Variants in TUG1 observed in about 807,000 individuals in gnomAD.
TUG1 encodes the protein taurine upregulated gene 1.
chr22:30,975,259 A>G (rs966046469), exon 3 of TUG1: 1 of 152,230 alleles, frequency 6.6e-6, no homozygotes, highest in Admixed American at 6.5e-5. Context: ...GCAGAAGCCC[A>G]GAGTAAAAGT....
exon 3 of TUG1, chr22:30,976,409 CCTACCTTT>C: frequency 6.6e-6 from 1 of 152,256 alleles, no homozygotes; most frequent in South Asian, 2.1e-4. Flanking sequence ...TAGCTTATTG[CCTACCTTT>C]TTGCTGGAAA....
chr22:30,970,601 A>T (rs2041217973), exon 1 of TUG1: 1 of 152,224 alleles, frequency 6.6e-6, no homozygotes, highest in Admixed American at 6.5e-5. Context: ...TGCTGCTTGT[A>T]CTGGTGCCTG....
At chr22:30,971,941 C>G (rs1421573243) in intron 1 of TUG1, 162 bp downstream of exon 1, 1 of 152,246 alleles carries the variant, frequency 6.6e-6, no homozygotes, top group Non-Finnish European at 1.5e-5. Context: ...AGTCTCCTAA[C>G]TAGCCAGAAT....
exon 3 of TUG1, chr22:30,977,704 T>C (rs2041305075): frequency 6.6e-6 from 1 of 152,200 alleles, no homozygotes; most frequent in Non-Finnish European, 1.5e-5. Flanking sequence ...GACTCAGCTC[T>C]TGCCTGCCTT....
chr22:30,973,639 A>G (rs765693820), intron 2 of TUG1, 52 bp downstream of exon 2: 3 of 152,220 alleles, frequency 2.0e-5, no homozygotes, highest in African/African-American at 4.8e-5. Flanking sequence ...TACAGTTTCA[A>G]AGCACTTGTA....
At position 30,971,615 on chromosome 22, in the gene TUG1, A is replaced by AT. The variant is rs541076935; in HGVS notation, c.*1806dup. Reference sequence around the variant, plus strand: ...GATGCGGCAGGAACACTGGAGGTAGATTTTTTTTTATTTTTGAATTTTGGG... The same window carrying AT: ...GATGCGGCAGGAACACTGGAGGTAGATTTTTTTTTTATTTTTGAATTTTGGG... On this transcript the variant is annotated 3_prime_UTR_variant, in exon 1 of 3. Transcript: ENST00000644773. The AT allele has an allele frequency of 4.9e-3, 748 of 152,568 alleles. 1 individual carries two copies. Among genetic ancestry groups the AT allele is most frequent in the Middle Eastern group, 0.017 (5 of 294 alleles). 9.5% of individuals were successfully genotyped at this position (152,568 alleles called of 1,614,324 possible).
At chr22:30,974,347 G>GGA (rs575073726) in intron 2 of TUG1, 8 of 132,612 alleles carry the variant, frequency 6.0e-5, no homozygotes, top group South Asian at 2.4e-4. Flanking sequence ...TCAGAAGTCT[G>GGA]AAAAAAAAAA....
exon 3 of TUG1, chr22:30,978,650 G>A (rs775378079): frequency 2.0e-5 from 3 of 152,128 alleles, no homozygotes; most frequent in Non-Finnish European, 2.9e-5. Context: ...CTTTAGCTTT[G>A]TAGGATGAAA....
chr22:30,973,906 G>A (rs2041257326), intron 2 of TUG1: 1 of 152,090 alleles, frequency 6.6e-6, no homozygotes, highest in Non-Finnish European at 1.5e-5. Flanking sequence ...AGTCACATAG[G>A]ATGTGTGATC....
At chr22:30,973,615 T>C (rs894952130) in intron 2 of TUG1, 28 bp downstream of exon 2, 5 of 152,252 alleles carry the variant, frequency 3.3e-5, no homozygotes, top group Non-Finnish European at 7.3e-5. Context: ...AATCCCTCTG[T>C]TTATAATGCA....
exon 3 of TUG1, chr22:30,977,175 A>C (rs2041298062): frequency 6.6e-6 from 1 of 152,216 alleles, no homozygotes; most frequent in Admixed American, 6.5e-5. Flanking sequence ...TGATTAGAAA[A>C]GCAAAAAACC....
exon 3 of TUG1, chr22:30,977,816 C>T (rs1395590327): frequency 6.6e-6 from 1 of 152,152 alleles, no homozygotes; most frequent in Non-Finnish European, 1.5e-5. Context: ...ACAACCCACA[C>T]CTCACCCACT....
chr22:30,970,364 A>G (rs907522120), exon 1 of TUG1: 3 of 152,276 alleles, frequency 2.0e-5, no homozygotes, highest in South Asian at 2.1e-4. Context: ...AGTCCCTGGG[A>G]TATGTGAGCT....
intron 2 of TUG1, 154 bp downstream of exon 2, chr22:30,973,741 CAAGGTGACACAG>C (rs1192613016): frequency 6.6e-6 from 1 of 152,158 alleles, no homozygotes; most frequent in Non-Finnish European, 1.5e-5. Flanking sequence ...AGCAATTATC[CAAGGTGACACAG>C]CTGTGAAAGT....
exon 3 of TUG1, chr22:30,976,622 A>G (rs2041290395): frequency 6.6e-6 from 1 of 152,166 alleles, no homozygotes; most frequent in Non-Finnish European, 1.5e-5. Context: ...AACAGACATA[A>G]AGACAACTTA....
Position 30,969,368 on chromosome 22 carries a change from T to TC in TUG1, c.19dup (p.Leu7ProfsTer190). 1.3e-5 allele frequency: 2 copies of TC among 151,052 alleles called. No homozygotes were observed. 9.4% of individuals were successfully genotyped at this position (151,052 alleles called of 1,614,324 possible). A position where few individuals can be genotyped will look rare whatever the true frequency, so the allele number is the denominator to read the frequency against. ...AAATCGAAGAAGCCCTGGCGCGCCC[T>TC]CCCCCCCTCCCGGGTCTGGTAGGGC... On this transcript the variant is annotated frameshift_variant, in exon 1 of 3. Transcript: ENST00000644773. LOFTEE classifies it high-confidence loss of function.
chr22:30,971,138 A>G (rs1040130610), exon 1 of TUG1: 1 of 152,250 alleles, frequency 6.6e-6, no homozygotes, highest in African/African-American at 2.4e-5. Context: ...TACAGCCCTA[A>G]GCAAGTGAAC....
At chr22:30,976,323 C>G (rs939886006) in exon 3 of TUG1, 1 of 152,092 alleles carries the variant, frequency 6.6e-6, no homozygotes, top group Non-Finnish European at 1.5e-5. Flanking sequence ...TCTGATACCA[C>G]CAAATATAGG....
At chr22:30,978,370 G>A (rs1261386470) in exon 3 of TUG1, 1 of 152,154 alleles carries the variant, frequency 6.6e-6, no homozygotes, top group East Asian at 1.9e-4. Context: ...AAGAAACCAT[G>A]CCAGCTGTTA....
Sources: gnomAD v4.1 joint callset for allele counts on GRCh38, gnomAD v4.1.1 for gene constraint, MANE v1.5 for transcripts, NCBI Gene and HGNC (gene_info 2026-07-23, HGNC 2026-07-21) for gene names.